The following CSMD1 variants were observed in gnomAD, a reference collection of about 807,000 sequenced individuals.
The protein encoded by CSMD1 is CUB and sushi domain-containing protein 1.
In CSMD1, 213 loss-of-function variants were observed where a neutral mutation model predicts 417.5. The ratio of observed to expected loss-of-function variants is 0.51; its 90% confidence interval spans 0.46 to 0.57. The LOEUF (loss-of-function observed/expected upper bound fraction) is 0.57. Among genes scored for constraint, CSMD1 ranks in the 20% least tolerant of loss-of-function variants. The pLI is 0.00. For synonymous variants in CSMD1, 2,862 were observed against 1,736.8 expected, an observed-to-expected ratio of 1.65 and a Z score of -16.11; for missense variants, 6,923 against 4,529.7, an observed-to-expected ratio of 1.53 and a Z score of -15.17.
At chr8:3,709,680 G>GTTTTTTTGTTT (rs1801388086) in intron 6 of CSMD1, among the ~76,000 whole-genome samples, 2 of 33,694 alleles carry the variant, frequency 5.9e-5, no homozygotes, top group African/African-American at 2.1e-4. Flanking sequence ...GCAGCAGCAT[G>GTTTTTTTGTTT]TTTTTTTTTT....
chr8:4,696,086 A>G (rs557016350), intron 1 of CSMD1, among the ~76,000 whole-genome samples: 1 of 152,186 alleles, frequency 6.6e-6, no homozygotes, highest in Non-Finnish European at 1.5e-5. Flanking sequence ...CTGGTTCATG[A>G]TCAATCAACA....
At chr8:4,375,736 C>T (rs963593246) in intron 3 of CSMD1, among the ~76,000 whole-genome samples, 6 of 152,192 alleles carry the variant, frequency 3.9e-5, no homozygotes, top group African/African-American at 1.4e-4. Context: ...CACTTCCCGA[C>T]TGCCTGCACC....
At chr8:3,431,216 A>G (rs1038093352) in intron 12 of CSMD1, among the ~76,000 whole-genome samples, 1 of 152,154 alleles carries the variant, frequency 6.6e-6, no homozygotes, top group Non-Finnish European at 1.5e-5. Context: ...ACTAAGACAC[A>G]GGTCCATGCA....
At chr8:4,784,125 G>T (rs951476172) in intron 1 of CSMD1, among the ~76,000 whole-genome samples, 1 of 152,174 alleles carries the variant, frequency 6.6e-6, no homozygotes, top group African/African-American at 2.4e-5. Context: ...ATAGCCAAGG[G>T]TACACAGAAT....
intron 27 of CSMD1, 93 bp from the exon 28 acceptor site, chr8:3,223,960 A>G (rs576070607): frequency 7.8e-7 from 1 of 1,273,894 alleles, no homozygotes; most frequent in Admixed American, 2.4e-5. Context: ...ATTCTTTAAG[A>G]AAAAGACATC....
chr8:4,440,449 T>C lies in CSMD1; in HGVS notation c.303-20384A>G, dbSNP rs151154858. 1.9e-3 allele frequency among the ~76,000 whole-genome samples: 284 copies of C among 152,318 alleles called. 1 individual carries two copies. Among genetic ancestry groups the C allele is most frequent in the Middle Eastern group, 6.8e-3 (2 of 294 alleles). On this transcript the variant is annotated intron_variant, in intron 2 of 69. Coordinates refer to ENST00000635120, the MANE Select transcript of CSMD1 (RefSeq NM_033225.6). Reference sequence around the variant, plus strand: ...CTTTTCCCCCAGCACAAAATCATTGTTCATCTTGTTACTCACAAAAAAAAA... The same window carrying C: ...CTTTTCCCCCAGCACAAAATCATTGCTCATCTTGTTACTCACAAAAAAAAA...
chr8:3,440,677 G>A (rs181290880), intron 12 of CSMD1, among the ~76,000 whole-genome samples: 2 of 152,194 alleles, frequency 1.3e-5, no homozygotes, highest in East Asian at 3.9e-4. Context: ...TGAGCTTCCA[G>A]CACTATACTG....
chr8:3,178,265 T>C (rs1821066180), intron 37 of CSMD1, among the ~76,000 whole-genome samples: 1 of 152,130 alleles, frequency 6.6e-6, no homozygotes, highest in Admixed American at 6.6e-5. Context: ...TGTACTATGG[T>C]TAAGGGGGCC....
At chr8:2,961,492 A>G (rs1362409113) in intron 61 of CSMD1, among the ~76,000 whole-genome samples, 1 of 151,890 alleles carries the variant, frequency 6.6e-6, no homozygotes. Context: ...TTTTTTCTAT[A>G]GAAATATATT....
intron 5 of CSMD1, among the ~76,000 whole-genome samples, chr8:3,979,617 A>G (rs1421068623): frequency 6.6e-6 from 1 of 152,184 alleles, no homozygotes; most frequent in Admixed American, 6.5e-5. Flanking sequence ...AGATTATAAA[A>G]AGAGGAAGAG....
chr8:4,655,422 T>G (rs2130906462), intron 1 of CSMD1, among the ~76,000 whole-genome samples: 1 of 152,220 alleles, frequency 6.6e-6, no homozygotes. Flanking sequence ...AAAACAATTT[T>G]AGGTATAAAA....
chr8:3,871,883 G>A (rs192194075), intron 5 of CSMD1, among the ~76,000 whole-genome samples: 1 of 152,262 alleles, frequency 6.6e-6, no homozygotes, highest in East Asian at 1.9e-4. Flanking sequence ...AATAACAGGT[G>A]TTGATTTTGA....
intron 10 of CSMD1, among the ~76,000 whole-genome samples, chr8:3,535,442 C>G (rs1798156168): frequency 6.6e-6 from 1 of 152,120 alleles, no homozygotes; most frequent in African/African-American, 2.4e-5. Context: ...CGGTTCCATC[C>G]ACATTGCTGC....
intron 7 of CSMD1, among the ~76,000 whole-genome samples, chr8:3,639,035 C>A (rs78139069): frequency 0.12 from 17,739 of 152,216 alleles, 1,162 homozygotes; most frequent in African/African-American, 0.16. Flanking sequence ...TCCCCAATAT[C>A]CTTCTTTCAT....
intron 2 of CSMD1, among the ~76,000 whole-genome samples, chr8:4,548,826 C>T (rs140350018): frequency 6.6e-6 from 1 of 152,114 alleles, no homozygotes; most frequent in Non-Finnish European, 1.5e-5. Context: ...GGAGAGCATA[C>T]TGCCTTGGTC....
chr8:4,073,805 A>C (rs1296225610), intron 3 of CSMD1, among the ~76,000 whole-genome samples: 1 of 152,120 alleles, frequency 6.6e-6, no homozygotes, highest in Non-Finnish European at 1.5e-5. Flanking sequence ...TATTTACCTC[A>C]TTATTAATTG....
At chr8:3,801,439 C>T (rs1442626534) in intron 5 of CSMD1, among the ~76,000 whole-genome samples, 2 of 151,936 alleles carry the variant, frequency 1.3e-5, no homozygotes, top group Non-Finnish European at 2.9e-5. Flanking sequence ...CATTTCATAC[C>T]CACTAGAAGG....
chr8:3,468,861 G>T, intron 11 of CSMD1, 37 bp from the exon 12 acceptor site: 2 of 1,388,720 alleles, frequency 1.4e-6, no homozygotes, highest in Non-Finnish European at 1.0e-6. Context: ...TTTAGGTAAG[G>T]CAACAAGTAC....
intron 7 of CSMD1, among the ~76,000 whole-genome samples, chr8:3,688,266 C>T (rs970410125): frequency 6.6e-6 from 1 of 152,084 alleles, no homozygotes; most frequent in African/African-American, 2.4e-5. Flanking sequence ...AATATTGTCT[C>T]TTTTCTTTTG....
Sources: gnomAD v4.1 joint callset for allele counts (sites outside exome capture counted in the v4.1 genomes callset) on GRCh38, gnomAD v4.1.1 for gene constraint, MANE v1.5 for transcripts, NCBI Gene and HGNC (gene_info 2026-07-23, HGNC 2026-07-21) for gene names.